Variants in FAT4 observed in about 807,000 individuals in gnomAD.
FAT4 encodes the protein protocadherin Fat 4.
Under a neutral mutation model 303.9 loss-of-function variants are expected in FAT4, and 84 were observed. The observed-to-expected ratio is 0.28, with a 90% CI of 0.23 to 0.33. The LOEUF is 0.33. Among genes scored for constraint, FAT4 ranks in the 10% least tolerant of loss-of-function variants. The probability of loss-of-function intolerance (pLI) is 1.00; values close to 1 mark genes in which losing one functional copy is unlikely to be tolerated. For missense variants in FAT4, 6,005 were observed against 6,146.8 expected (o/e 0.98, Z 0.77); for synonymous variants, 2,307 against 2,298.8 (o/e 1.00, Z -0.10).
At chr4:125,488,323 A>T (rs542728836) in intron 17 of FAT4, among the ~76,000 whole-genome samples, 3 of 152,334 alleles carry the variant, frequency 2.0e-5, no homozygotes, top group African/African-American at 7.2e-5. Flanking sequence ...TTTACAGAGC[A>T]ATGGGAAGTA....
At chr4:125,443,808 G>A (rs1446326996) in intron 8 of FAT4, among the ~76,000 whole-genome samples, 2 of 152,120 alleles carry the variant, frequency 1.3e-5, no homozygotes, top group Non-Finnish European at 2.9e-5. Context: ...CATCAGGAGG[G>A]ATGAGAATAG....
chr4:125,370,309 A>G (rs1403189399), intron 2 of FAT4, among the ~76,000 whole-genome samples: 3 of 152,146 alleles, frequency 2.0e-5, no homozygotes, highest in African/African-American at 4.8e-5. Context: ...TCCGACAGGA[A>G]CCCTACAAAG....
rs543917868 is a variant in FAT4, at chr4:125,491,366, C to T, written c.14550C>T (p.Phe4850=). The T allele has an allele frequency of 6.2e-7, 1 of 1,614,208 alleles. No individual in the cohort carries two copies. The highest frequency in any genetic ancestry group is 2.2e-5 in the East Asian group (1 of 44,872). ...SSSDSDSHES[F]TCSEMEYDRE... is the part of the protein sequence containing the mutation. ...CTGATAGTGACTCCCATGAATCTTTCACTTGCTCAGAAATGGAATATGACA... is the reference window on the plus strand; with the variant it reads ...CTGATAGTGACTCCCATGAATCTTTTACTTGCTCAGAAATGGAATATGACA... The change falls in exon 18 of 18, where the codon TTC becomes TTT. Residue 4850 remains phenylalanine (F), a synonymous_variant. Transcript: ENST00000394329.
chr4:125,405,973 A>T (rs910145706), intron 3 of FAT4, among the ~76,000 whole-genome samples: 2 of 152,090 alleles, frequency 1.3e-5, no homozygotes, highest in African/African-American at 4.8e-5. Flanking sequence ...CTCACATCCC[A>T]TAGATTGCCT....
At chr4:125,457,310 A>G (rs1275378583) in intron 10 of FAT4, among the ~76,000 whole-genome samples, 3 of 152,160 alleles carry the variant, frequency 2.0e-5, no homozygotes, top group African/African-American at 7.2e-5. Flanking sequence ...AGAACAACTT[A>G]TAAGGACGCA....
chr4:125,395,619 A>G (rs1291078828), intron 2 of FAT4, among the ~76,000 whole-genome samples: 1 of 152,096 alleles, frequency 6.6e-6, no homozygotes, highest in Non-Finnish European at 1.5e-5. Context: ...GCGCCCGGCC[A>G]TTATTCACTT....
At chr4:125,468,316 T>C (rs1401680288) in intron 11 of FAT4, among the ~76,000 whole-genome samples, 196 bp from the exon 12 acceptor site, 1 of 152,176 alleles carries the variant, frequency 6.6e-6, no homozygotes, top group African/African-American at 2.4e-5. Flanking sequence ...CAGTTAATCA[T>C]TTCTGCCATG....
chr4:125,444,466 C>A (rs1316820628), intron 8 of FAT4, among the ~76,000 whole-genome samples: 1 of 152,108 alleles, frequency 6.6e-6, no homozygotes, highest in African/African-American at 2.4e-5. Flanking sequence ...GTCTAATTCA[C>A]CTCTTAAAGG....
At chr4:125,322,583 A>G (rs1437056533) in intron 2 of FAT4, among the ~76,000 whole-genome samples, 1 of 152,136 alleles carries the variant, frequency 6.6e-6, no homozygotes, top group Non-Finnish European at 1.5e-5. Flanking sequence ...CAAAAACACA[A>G]ACATCAAATG....
rs1227132089 is a variant in FAT4, at chr4:125,492,212, C to T, written c.*444C>T. 1.3e-5 allele frequency: 2 copies of T among 158,846 alleles called. No individual in the cohort carries two copies. Among genetic ancestry groups the T allele is most frequent in the African/African-American group, 4.8e-5 (2 of 41,476 alleles). 9.8% of individuals were successfully genotyped at this position (158,846 alleles called of 1,614,324 possible). On this transcript the variant is annotated 3_prime_UTR_variant, in exon 18 of 18. Transcript: ENST00000394329. The stretch of plus-strand genomic sequence containing the variant: ...CTTGTAAAGTGTAAAAAGGAACCCT[C>T]CTATCGTGGAATGAAAGATTAAGTA...
At chr4:125,425,905 AT>A (rs1312808608) in intron 7 of FAT4, among the ~76,000 whole-genome samples, 2 of 152,102 alleles carry the variant, frequency 1.3e-5, no homozygotes, top group African/African-American at 2.4e-5. Context: ...AGTTATTAGC[AT>A]TTCTAATTAA....
chr4:125,456,711 C>A (rs956020506), intron 10 of FAT4, among the ~76,000 whole-genome samples: 2 of 152,088 alleles, frequency 1.3e-5, no homozygotes, highest in Non-Finnish European at 2.9e-5. Context: ...TTTACCTAGT[C>A]TCTGCCAGAT....
chr4:125,421,506 A>T (rs913546368), intron 7 of FAT4, among the ~76,000 whole-genome samples: 1 of 152,202 alleles, frequency 6.6e-6, no homozygotes, highest in Non-Finnish European at 1.5e-5. Context: ...TCAAGATGAG[A>T]TTATACCCTC....
At chr4:125,481,872 A>G in intron 16 of FAT4, 134 bp downstream of exon 16, 3 of 716,838 alleles carry the variant, frequency 4.2e-6, no homozygotes. Flanking sequence ...GCACTATTCC[A>G]ATGTCATCTA....
chr4:125,490,684 A>G lies in FAT4; in HGVS notation c.13868A>G (p.Asp4623Gly). 6.2e-7 allele frequency: 1 copy of G among 1,614,132 alleles called. No individual in the cohort carries two copies. Among genetic ancestry groups the G allele is most frequent in the Non-Finnish European group, 8.5e-7 (1 of 1,180,028 alleles). Residue 4623 changes from aspartate (D) to glycine (G), a missense_variant, in exon 18 of 18, where the codon GAC becomes GGC. By Grantham distance (94) the Asp-to-Gly change is moderately conservative (BLOSUM62 -1). Coordinates refer to ENST00000394329, the MANE Select transcript of FAT4 (RefSeq NM_001291303.3). ...ASPEQEIEHY[D>G]IDNASSIAPS... ...CCAGAGCAGGAGATAGAGCACTATG[A>G]CATTGACAACGCCAGCAGCATCGCC...
At chr4:125,394,022 C>G (rs758253474) in intron 2 of FAT4, 1 of 778,516 alleles carries the variant, frequency 1.3e-6, no homozygotes, top group South Asian at 1.3e-5. Flanking sequence ...AAGCACAGAT[C>G]TACCAACTAC....
intron 7 of FAT4, among the ~76,000 whole-genome samples, chr4:125,421,744 G>A (rs1724902552): frequency 6.6e-6 from 1 of 152,074 alleles, no homozygotes; most frequent in Non-Finnish European, 1.5e-5. Flanking sequence ...TTGGAGATGA[G>A]CCAGTCCACT....
chr4:125,436,154 A>T (rs1725443758), intron 8 of FAT4, among the ~76,000 whole-genome samples: 1 of 151,002 alleles, frequency 6.6e-6, no homozygotes, highest in African/African-American at 2.4e-5. Context: ...ACAAACCTGC[A>T]CATTGTGCAC....
intron 2 of FAT4, among the ~76,000 whole-genome samples, chr4:125,337,033 A>T (rs899727192): frequency 9.9e-5 from 15 of 152,016 alleles, no homozygotes; most frequent in African/African-American, 3.4e-4. Context: ...GTTTTGTGGT[A>T]GAGCGCCATT....
Sources: gnomAD v4.1 joint callset for allele counts (sites outside exome capture counted in the v4.1 genomes callset) on GRCh38, gnomAD v4.1.1 for gene constraint, MANE v1.5 for transcripts, NCBI Gene and HGNC (gene_info 2026-07-23, HGNC 2026-07-21) for gene names.